Variants in COQ5 observed in about 807,000 individuals in gnomAD.
The protein encoded by COQ5 is 2-methoxy-6-polyprenyl-1,4-benzoquinol methylase, mitochondrial.
In COQ5, 27 loss-of-function variants were observed where a neutral mutation model predicts 40.5. That is an observed-to-expected ratio of 0.67 (90% confidence interval 0.49 to 0.92). The LOEUF is 0.92. Ranked by LOEUF, COQ5 falls within the 40% of genes least tolerant of loss-of-function variation. COQ5 has a pLI of 0.00. For missense variants in COQ5, 409 were observed against 406.4 expected, an observed-to-expected ratio of 1.01 and a Z score of -0.06; for synonymous variants, 141 against 150.0, an observed-to-expected ratio of 0.94 and a Z score of 0.44.
intron 2 of COQ5, among the ~76,000 whole-genome samples, chr12:120,519,407 A>G (rs1405110413): frequency 6.6e-6 from 1 of 152,160 alleles, no homozygotes; most frequent in Non-Finnish European, 1.5e-5. Context: ...AAAAATACAC[A>G]AAATCAGCCA....
At chr12:120,527,338 CCCAAAG>C (rs1869999760) in intron 1 of COQ5, 1 of 152,070 alleles carries the variant, frequency 6.6e-6, no homozygotes, top group Non-Finnish European at 1.5e-5. Context: ...ACCTCGGCCT[CCCAAAG>C]TGCTGGGATT....
intron 3 of COQ5, among the ~76,000 whole-genome samples, chr12:120,515,199 C>A (rs1045494735): frequency 6.6e-6 from 1 of 152,146 alleles, no homozygotes; most frequent in African/African-American, 2.4e-5. Flanking sequence ...TCAAGTGATC[C>A]TCCTGCTTCA....
chr12:120,521,267 A>G (rs1483807927), intron 2 of COQ5, among the ~76,000 whole-genome samples: 1 of 151,764 alleles, frequency 6.6e-6, no homozygotes, highest in Admixed American at 6.6e-5. Flanking sequence ...GGTTTTCACC[A>G]TGTTGGCCAG....
At chr12:120,525,030 C>T (rs2137093969) in intron 1 of COQ5, among the ~76,000 whole-genome samples, 1 of 151,532 alleles carries the variant, frequency 6.6e-6, no homozygotes, top group Non-Finnish European at 1.5e-5. Flanking sequence ...AGGATAGTCT[C>T]GATCTCCTAA....
chr12:120,505,004 C>A, intron 4 of COQ5, 21 bp from the exon 5 acceptor site: 1 of 1,592,458 alleles, frequency 6.3e-7, no homozygotes, highest in Non-Finnish European at 8.6e-7. Context: ...CAAGGAACAA[C>A]AGGACACACT....
intron 1 of COQ5, among the ~76,000 whole-genome samples, chr12:120,526,270 A>G (rs1869939417): frequency 6.6e-6 from 1 of 152,228 alleles, no homozygotes; most frequent in African/African-American, 2.4e-5. Context: ...CACACGTGGC[A>G]TAACTGGATA....
At chr12:120,520,388 T>C (rs933542169) in intron 2 of COQ5, among the ~76,000 whole-genome samples, 87 of 150,400 alleles carry the variant, frequency 5.8e-4, no homozygotes, top group African/African-American at 2.1e-3. Context: ...TGTGGTGGCT[T>C]GATCTCGGCT....
At chr12:120,526,725 T>TTTTTTTTG (rs1869966311) in intron 1 of COQ5, among the ~76,000 whole-genome samples, 1 of 90,038 alleles carries the variant, frequency 1.1e-5, no homozygotes, top group Non-Finnish European at 2.4e-5. Flanking sequence ...TTTTTTTTTT[T>TTTTTTTTG]TTTTTTTGAG....
Position 120,516,634 on chromosome 12 carries a change from C to G in COQ5, c.507G>C (p.Val169=), listed in dbSNP as rs770639277. The G allele has an allele frequency of 6.2e-7, 1 of 1,614,230 alleles. No individual in the cohort carries two copies. Among genetic ancestry groups the G allele is most frequent in the South Asian group, 1.1e-5 (1 of 91,086 alleles). ...TTAGCATCTCCTTGTTGATGTCACA[C>G]ACCACGACACGAGACCCGCCCAAGG... ...EDSLGGSRVV[V]CDINKEMLKV... The change falls in exon 3 of 7, where the codon GTG becomes GTC. Residue 169 remains valine, a synonymous_variant. Transcript: ENST00000288532.
At chr12:120,527,936 G>A (rs1325976174) in intron 1 of COQ5, among the ~76,000 whole-genome samples, 1 of 130,752 alleles carries the variant, frequency 7.6e-6, no homozygotes, top group African/African-American at 2.9e-5. Flanking sequence ...GCAGTGAGCC[G>A]AGATCGCGCC....
chr12:120,522,198 C>A lies in COQ5; in HGVS notation c.352+16G>T. 1.2e-6 allele frequency: 2 copies of A among 1,614,026 alleles called. No homozygotes were observed. The highest frequency in any genetic ancestry group is 1.7e-6 in the Non-Finnish European group (2 of 1,179,976). ...ACATGCTCAATGGTAGTGAAGGATA[C>A]CAAACTCGACATTACCTGTGCCTCC... On this transcript the variant is annotated intron_variant, in intron 2 of 6. Coordinates refer to ENST00000288532, the MANE Select transcript of COQ5 (RefSeq NM_032314.4).
At chr12:120,528,903 G>A in intron 1 of COQ5, 37 bp downstream of exon 1, 3 of 1,588,140 alleles carry the variant, frequency 1.9e-6, no homozygotes, top group Non-Finnish European at 2.6e-6. Flanking sequence ...ACCATGGACG[G>A]TCAGATCCCT....
At chr12:120,504,794 T>A in intron 5 of COQ5, 101 bp downstream of exon 5, 1 of 1,022,360 alleles carries the variant, frequency 9.8e-7, no homozygotes, top group Non-Finnish European at 1.5e-6. Flanking sequence ...TACTCTGAAC[T>A]ACAAAGTTCA....
rs1335638618 is a variant in COQ5 at position 120,504,098 on chromosome 12, G to A, written c.771-17C>T. On this transcript the variant is annotated splice_polypyrimidine_tract_variant and intron_variant, in intron 5 of 6. Transcript: ENST00000288532. ...TCATAAAGCCTAGGCAAACAAAAAGGTAAAAGATGAAGATTAGAACATGCC... is the reference window on the plus strand; with the variant it reads ...TCATAAAGCCTAGGCAAACAAAAAGATAAAAGATGAAGATTAGAACATGCC... 7 of 1,456,980 alleles carry A rather than the reference G, an allele frequency of 4.8e-6. No individual in the cohort carries two copies. In the South Asian group the frequency reaches 6.8e-5, roughly 14 times the overall value. 90.3% of individuals were successfully genotyped at this position (1,456,980 alleles called of 1,614,324 possible).
At chr12:120,516,867 A>G in intron 2 of COQ5, 79 bp from the exon 3 acceptor site, 2 of 1,235,192 alleles carry the variant, frequency 1.6e-6, no homozygotes, top group East Asian at 2.3e-5. Flanking sequence ...CTAAAACCCA[A>G]AGGGGTAACA....
At chr12:120,525,240 C>T (rs536321795) in intron 1 of COQ5, among the ~76,000 whole-genome samples, 1 of 152,184 alleles carries the variant, frequency 6.6e-6, no homozygotes, top group Non-Finnish European at 1.5e-5. Context: ...GCTACGATTA[C>T]AGGCACTTGC....
chr12:120,513,270 G>A (rs1481490548), intron 3 of COQ5, among the ~76,000 whole-genome samples: 20 of 149,686 alleles, frequency 1.3e-4, no homozygotes, highest in Admixed American at 6.6e-4. Flanking sequence ...TTGGGAGGCC[G>A]AGGCGGGCGG....
rs1870090393 is a variant in COQ5, at chr12:120,528,923, C to T, written c.202+17G>A. 5.6e-6 allele frequency: 9 copies of T among 1,612,680 alleles called. No homozygotes were observed. The highest frequency in any genetic ancestry group is 1.1e-5 in the South Asian group (1 of 91,046). ...GGACGGTCAGATCCCTCCCATCCGC[C>T]CTCTCGCCCCTTTCACCTTTGCCCC... On this transcript the variant is annotated intron_variant, in intron 1 of 6. Transcript: ENST00000288532.
rs546230769 is a variant in COQ5 at position 120,504,182 on chromosome 12, A to G, written c.771-101T>C. ...ACTAAACCTGGGGTCACAAACTCAA[A>G]TGCCTATAGGGATCAAGCAAGAACC... On this transcript the variant is annotated intron_variant, in intron 5 of 6. Coordinates refer to ENST00000288532, the MANE Select transcript of COQ5 (RefSeq NM_032314.4). 1.0e-5 allele frequency: 8 copies of G among 770,776 alleles called. No homozygotes were observed. The African/African-American group carries it at 1.2e-4, about 11-fold the overall frequency. The allele number at this position is 770,776 out of a possible 1,614,324, so 47.7% of individuals were successfully genotyped here.
Sources: allele counts gnomAD v4.1 joint callset (sites outside exome capture counted in the v4.1 genomes callset), GRCh38; gene constraint gnomAD v4.1.1; transcripts MANE v1.5; gene names NCBI Gene and HGNC (gene_info 2026-07-23, HGNC 2026-07-21).